MIPEP: variants seen among roughly 807,000 people sequenced by gnomAD.
MIPEP encodes mitochondrial intermediate peptidase.
MIPEP carries 79 observed loss-of-function variants against 90.3 expected under a neutral mutation model. That is an observed-to-expected ratio of 0.87 (90% CI 0.73 to 1.05). The LOEUF (loss-of-function observed/expected upper bound fraction) is 1.05. Ranked by LOEUF, MIPEP falls within the 50% of genes least tolerant of loss-of-function variation. The pLI is 0.00. For missense variants in MIPEP, 940 were observed against 905.6 expected (o/e 1.04, Z -0.49); for synonymous variants, 334 against 315.8 (o/e 1.06, Z -0.61).
At chr13:23,795,878 C>G (rs530602330) in intron 16 of MIPEP, among the ~76,000 whole-genome samples, 3 of 149,416 alleles carry the variant, frequency 2.0e-5, no homozygotes, top group East Asian at 4.0e-4. Context: ...CGCCTGTAGT[C>G]CTAGCTACCT....
chr13:23,888,133 A>G, intron 1 of MIPEP: 1 of 440,714 alleles, frequency 2.3e-6, no homozygotes, highest in Non-Finnish European at 4.5e-6. Context: ...AGCTAAAATT[A>G]GTTATATCTC....
In MIPEP at chr13:23,806,062, T is replaced by C; in HGVS notation, c.1736A>G (p.Tyr579Cys). 6.2e-7 allele frequency: 1 copy of C among 1,613,922 alleles called. No individual in the cohort carries two copies. Among genetic ancestry groups the C allele is most frequent in the Non-Finnish European group, 8.5e-7 (1 of 1,179,948 alleles). Residue 579 changes from tyrosine to cysteine, a missense_variant, in exon 16 of 19, where the codon TAT (tyrosine) becomes TGT (cysteine). Tyr to Cys is a radical substitution (Grantham distance 194). Transcript: ENST00000382172. ...AAADMQLQVF[Y>C]ATLDQIYHGK... is the part of the protein sequence containing the mutation. ...ATGGTAGATTTGATCCAGAGTGGCA[T>C]AAAAGACCTAGATAGATAAAAACAT...
chr13:23,831,262 CACAG>C (rs921877313), intron 14 of MIPEP, among the ~76,000 whole-genome samples: 13 of 151,358 alleles, frequency 8.6e-5, no homozygotes, highest in African/African-American at 2.9e-4. Flanking sequence ...AAATCTAGGG[CACAG>C]ACAAATAGAT....
At chr13:23,738,529 A>T (rs58737595) in intron 18 of MIPEP, among the ~76,000 whole-genome samples, 8,080 of 151,006 alleles carry the variant, frequency 0.054, 722 homozygotes, top group African/African-American at 0.18. Context: ...GGCTCACTGA[A>T]GTCTTGAATT....
intron 18 of MIPEP, among the ~76,000 whole-genome samples, chr13:23,738,476 G>GT (rs1169351201): frequency 6.7e-6 from 1 of 150,028 alleles, no homozygotes; most frequent in African/African-American, 2.5e-5. Context: ...TTGAGACAGG[G>GT]TGTCACTCTG....
chr13:23,762,217 T>A (rs1470896844), intron 16 of MIPEP, among the ~76,000 whole-genome samples: 2 of 152,172 alleles, frequency 1.3e-5, no homozygotes, highest in Non-Finnish European at 2.9e-5. Flanking sequence ...TTAACAAAGC[T>A]GTTAACTCCC....
chr13:23,751,434 G>A (rs1952439423), intron 18 of MIPEP, among the ~76,000 whole-genome samples: 1 of 152,168 alleles, frequency 6.6e-6, no homozygotes, highest in Non-Finnish European at 1.5e-5. Flanking sequence ...GTTGAGAATT[G>A]ACTCATTTAG....
intron 16 of MIPEP, among the ~76,000 whole-genome samples, chr13:23,777,792 A>G (rs1952734965): frequency 6.6e-6 from 1 of 152,114 alleles, no homozygotes; most frequent in African/African-American, 2.4e-5. Context: ...ACCTAGTGTT[A>G]CTCTACTTGC....
chr13:23,743,462 A>G (rs966998515), intron 18 of MIPEP, among the ~76,000 whole-genome samples: 16 of 152,244 alleles, frequency 1.1e-4, no homozygotes, highest in African/African-American at 3.9e-4. Context: ...TGAGAAAATC[A>G]GACTATCGGC....
chr13:23,873,365 T>C (rs750411204), intron 5 of MIPEP, among the ~76,000 whole-genome samples: 5 of 152,192 alleles, frequency 3.3e-5, no homozygotes, highest in Non-Finnish European at 7.3e-5. Context: ...TTATGAAAAC[T>C]AATCCAGTGT....
At chr13:23,845,920 TA>T (rs1421619922) in intron 10 of MIPEP, among the ~76,000 whole-genome samples, 2 of 151,718 alleles carry the variant, frequency 1.3e-5, no homozygotes, top group Non-Finnish European at 2.9e-5. Flanking sequence ...CTATTGTTTT[TA>T]ATTTTTTTTT....
chr13:23,815,905 C>T (rs146173544), intron 14 of MIPEP, among the ~76,000 whole-genome samples: 1 of 152,266 alleles, frequency 6.6e-6, no homozygotes, highest in East Asian at 1.9e-4. Flanking sequence ...CGGGTTCTAG[C>T]TCATATTTAT....
At chr13:23,836,124 T>G in intron 14 of MIPEP, 116 bp downstream of exon 14, 1 of 575,008 alleles carries the variant, frequency 1.7e-6, no homozygotes, top group Non-Finnish European at 3.0e-6. Flanking sequence ...CAATAAAAGG[T>G]TTGTTACTAA....
At chr13:23,888,940 C>T in intron 1 of MIPEP, 192 bp downstream of exon 1, 1 of 553,376 alleles carries the variant, frequency 1.8e-6, no homozygotes, top group Non-Finnish European at 2.8e-6. Context: ...TAGGAGACCA[C>T]TAAACCCGGC....
At chr13:23,848,986 A>G (rs1869678638) in intron 10 of MIPEP, among the ~76,000 whole-genome samples, 1 of 152,220 alleles carries the variant, frequency 6.6e-6, no homozygotes, top group Non-Finnish European at 1.5e-5. Flanking sequence ...ATGACCAGCC[A>G]GTCAGGAGGG....
chr13:23,763,847 C>A (rs1246059762), intron 16 of MIPEP, among the ~76,000 whole-genome samples: 1 of 152,212 alleles, frequency 6.6e-6, no homozygotes, highest in Non-Finnish European at 1.5e-5. Flanking sequence ...ATTATCTCCA[C>A]CTGACACCTT....
intron 14 of MIPEP, among the ~76,000 whole-genome samples, chr13:23,826,065 GAAAA>G (rs200027386): frequency 1.4e-5 from 2 of 145,474 alleles, no homozygotes; most frequent in African/African-American, 5.1e-5. Flanking sequence ...AAATTACCAG[GAAAA>G]AAAAAAGATT....
chr13:23,796,629 CT>C (rs954203439), intron 16 of MIPEP, among the ~76,000 whole-genome samples: 25 of 151,706 alleles, frequency 1.6e-4, no homozygotes, highest in Non-Finnish European at 1.5e-4. Flanking sequence ...TAACAGTACT[CT>C]CAAAATCTCT....
Position 23,760,252 on chromosome 13 carries a change from A to T in MIPEP, c.1849-35T>A, listed in dbSNP as rs916882917. ...ACAGAGAGACACAGCACGGGACACA[A>T]GTCAGTTTCCACTTGGAGAATATCA... On this transcript the variant is annotated intron_variant, in intron 16 of 18. Transcript: ENST00000382172. The T allele has an allele frequency of 2.5e-6, 4 of 1,613,548 alleles. No homozygotes were observed. In the African/African-American group the frequency reaches 5.3e-5, roughly 22 times the overall value.
Sources: gnomAD v4.1 joint callset for allele counts (sites outside exome capture counted in the v4.1 genomes callset) on GRCh38, gnomAD v4.1.1 for gene constraint, MANE v1.5 for transcripts, NCBI Gene and HGNC (gene_info 2026-07-23, HGNC 2026-07-21) for gene names.